Variants in DICER1 observed in about 807,000 individuals in gnomAD.
The protein encoded by DICER1 is dicer 1, ribonuclease III.
In DICER1, 43 loss-of-function variants were observed where a neutral mutation model predicts 194.1. The observed-to-expected ratio is 0.22, with a 90% CI of 0.17 to 0.29. The LOEUF is 0.29. Among genes scored for constraint, DICER1 ranks in the 10% least tolerant of loss-of-function variants. DICER1 has a pLI of 1.00. For missense variants in DICER1, 1,608 were observed against 2,317.0 expected (o/e 0.69, Z 6.28); for synonymous variants, 832 against 820.5 (o/e 1.01, Z -0.24).
chr14:95,151,359 G>A (rs1482242041), intron 1 of DICER1, among the ~76,000 whole-genome samples: 2 of 152,120 alleles, frequency 1.3e-5, no homozygotes, highest in Admixed American at 6.5e-5. Context: ...TTGATAATTT[G>A]GGGGCTCACA....
rs1595378646 is a variant in DICER1, at chr14:95,107,605, T to G, written c.2804+3A>C. 6.2e-7 allele frequency: 1 copy of G among 1,613,722 alleles called. No individual in the cohort carries two copies. Among genetic ancestry groups the G allele is most frequent in the Admixed American group, 1.7e-5 (1 of 60,006 alleles). On this transcript the variant is annotated splice_donor_region_variant and intron_variant, in intron 17 of 26. Transcript: ENST00000343455. ...CCATTTTCCTTTCCATTTAAATACC[T>G]ACCTTGGAATGATAACGGCATCTTG...
intron 1 of DICER1, among the ~76,000 whole-genome samples, chr14:95,147,384 T>C (rs1267236852): frequency 6.6e-6 from 1 of 152,170 alleles, no homozygotes; most frequent in African/African-American, 2.4e-5. Context: ...AAGAATCACC[T>C]GAGCCTGGGG....
intron 1 of DICER1, 111 bp from the exon 2 acceptor site, chr14:95,133,614 T>G (rs1459972380): frequency 6.1e-6 from 5 of 823,308 alleles, no homozygotes; most frequent in Admixed American, 2.3e-5. Context: ...ATTCAAACTC[T>G]TCCTATAATT....
At position 95,096,025 on chromosome 14, in the gene DICER1, G is replaced by C. The variant is rs2139840891; in HGVS notation, c.4895C>G (p.Ser1632Cys). The C allele has an allele frequency of 6.2e-7, 1 of 1,614,208 alleles. No homozygotes were observed. Among genetic ancestry groups the C allele is most frequent in the Non-Finnish European group, 8.5e-7 (1 of 1,180,038 alleles). Residue 1632 changes from serine to cysteine, a missense_variant, in exon 23 of 27, where the codon TCT becomes TGT. By Grantham distance (112) the Ser-to-Cys change is moderately radical (BLOSUM62 -1). This residue lies in a region of DICER1 where 125 missense variants were observed against 134.9 expected (regional missense o/e 0.93). Coordinates refer to ENST00000343455, the MANE Select transcript of DICER1 (RefSeq NM_177438.3). The part of the protein sequence containing the change: ...AAASVASSRS[S>C]VLKDSEYGCL... ...ACCATATTCCGAGTCTTTCAATACA[G>C]AAGAGCGTGAACTGGCCACAGAAGC...
intron 21 of DICER1, among the ~76,000 whole-genome samples, chr14:95,102,591 A>T (rs1234057959): frequency 6.6e-6 from 1 of 152,174 alleles, no homozygotes; most frequent in Non-Finnish European, 1.5e-5. Context: ...GCCATCCTTG[A>T]TTCAACAGTG....
intron 1 of DICER1, among the ~76,000 whole-genome samples, chr14:95,147,934 C>T (rs1013222602): frequency 3.9e-5 from 6 of 152,246 alleles, no homozygotes; most frequent in African/African-American, 1.4e-4. Context: ...TGCAGTGGCA[C>T]ACGCCTGTAA....
At chr14:95,145,926 CATT>C (rs1895102864) in intron 1 of DICER1, among the ~76,000 whole-genome samples, 1 of 152,144 alleles carries the variant, frequency 6.6e-6, no homozygotes, top group Non-Finnish European at 1.5e-5. Flanking sequence ...CTCCCTTCAT[CATT>C]ACCATTTATA....
At chr14:95,155,524 A>C (rs1895792774) in intron 1 of DICER1, among the ~76,000 whole-genome samples, 1 of 152,252 alleles carries the variant, frequency 6.6e-6, no homozygotes, top group Non-Finnish European at 1.5e-5. Context: ...AACCAAGACA[A>C]TAAAGCTCAA....
In DICER1 at chr14:95,096,042, C is replaced by T; in HGVS notation, c.4878G>A (p.Val1626=). The part of the protein sequence containing the change: ...NLSVSCAAAS[V]ASSRSSVLKD... ...TCAATACAGAAGAGCGTGAACTGGC[C>T]ACAGAAGCAGCAGCACAGCTCACTG... is the stretch of plus-strand genomic sequence containing the variant. Residue 1626 remains valine, a synonymous_variant, in exon 23 of 27, where the codon GTG becomes GTA. Coordinates refer to ENST00000343455, the MANE Select transcript of DICER1 (RefSeq NM_177438.3). The T allele has an allele frequency of 6.2e-7, 1 of 1,614,142 alleles. No homozygotes were observed. Among genetic ancestry groups the T allele is most frequent in the Non-Finnish European group, 8.5e-7 (1 of 1,180,016 alleles).
At position 95,126,765 on chromosome 14, in the gene DICER1, A is replaced by G. The variant is rs2140235006; in HGVS notation, c.735-17T>C. 1 of 1,577,014 alleles carries G rather than the reference A, an allele frequency of 6.3e-7. No individual in the cohort carries two copies. Among genetic ancestry groups the G allele is most frequent in the Non-Finnish European group, 8.7e-7 (1 of 1,146,940 alleles). ...GAAGTATACCTTTAACATAAGAAAC[A>G]AAAGGTATCAATACTGCAGTAGTGA... On this transcript the variant is annotated splice_polypyrimidine_tract_variant and intron_variant, in intron 6 of 26. Coordinates refer to ENST00000343455, the MANE Select transcript of DICER1 (RefSeq NM_177438.3).
At position 95,153,097 on chromosome 14, in the gene DICER1, G is replaced by C. The variant is rs561830691; in HGVS notation, c.-46+4133C>G. On this transcript the variant is annotated intron_variant, in intron 1 of 26. Coordinates refer to ENST00000343455, the MANE Select transcript of DICER1 (RefSeq NM_177438.3). ...CAGGGTGTGGTGGCGGGCACCTGTA[G>C]TCCCAGCTACTCGGGAGGCTGAGGC... 2.6e-5 allele frequency among the ~76,000 whole-genome samples: 4 copies of C among 152,128 alleles called. No individual in the cohort carries two copies. In the South Asian group the frequency reaches 8.3e-4, roughly 32 times the overall value.
chr14:95,112,589 G>A (rs1199175030), intron 12 of DICER1, among the ~76,000 whole-genome samples: 1 of 152,146 alleles, frequency 6.6e-6, no homozygotes, highest in Non-Finnish European at 1.5e-5. Flanking sequence ...AACATTAACA[G>A]TATTGAGCAG....
chr14:95,102,869 C>T lies in DICER1; in HGVS notation c.4050+477G>A, dbSNP rs563928366. 2.6e-5 allele frequency among the ~76,000 whole-genome samples: 4 copies of T among 152,248 alleles called. No individual in the cohort carries two copies. In the South Asian group the frequency reaches 6.2e-4, roughly 24 times the overall value. On this transcript the variant is annotated intron_variant, in intron 21 of 26. Coordinates refer to ENST00000343455, the MANE Select transcript of DICER1 (RefSeq NM_177438.3). ...CTCTGTGAAGCTTGTTACTCTTCTC[C>T]GCTCCACTCTCCAAAACTTTGGAGA... is the stretch of plus-strand genomic sequence containing the variant.
chr14:95,123,033 T>A (rs1893081537), intron 8 of DICER1, among the ~76,000 whole-genome samples: 1 of 152,124 alleles, frequency 6.6e-6, no homozygotes, highest in African/African-American at 2.4e-5. Flanking sequence ...AAGAGATCAC[T>A]ACTTGCAGAA....
chr14:95,114,194 A>T (rs1435251911), intron 11 of DICER1, among the ~76,000 whole-genome samples: 2 of 152,220 alleles, frequency 1.3e-5, no homozygotes, highest in Non-Finnish European at 2.9e-5. Flanking sequence ...CTTTTTCTCC[A>T]CTAAATTCGA....
At chr14:95,125,441 C>A (rs1469298814) in intron 7 of DICER1, among the ~76,000 whole-genome samples, 2 of 148,230 alleles carry the variant, frequency 1.3e-5, no homozygotes, top group African/African-American at 5.0e-5. Context: ...CTGCATCTTA[C>A]AACTCTAATT....
intron 26 of DICER1, 145 bp from the exon 27 acceptor site, chr14:95,090,808 A>G (rs888588139): frequency 1.0e-4 from 107 of 1,061,928 alleles, no homozygotes; most frequent in East Asian, 2.4e-5. Flanking sequence ...ACTTACTGCA[A>G]TTGCATACCC....
intron 24 of DICER1, among the ~76,000 whole-genome samples, chr14:95,092,958 A>G (rs997403118): frequency 6.6e-6 from 1 of 152,174 alleles, no homozygotes; most frequent in Non-Finnish European, 1.5e-5. Context: ...TTAAAGTAAG[A>G]GCAGGGCCTA....
rs201239474 is a variant in DICER1 at position 95,130,098 on chromosome 14, T to A, written c.533A>T (p.His178Leu). The A allele has an allele frequency of 3.1e-6, 5 of 1,613,574 alleles. No homozygotes were observed. Among genetic ancestry groups the A allele is most frequent in the Non-Finnish European group, 4.2e-6 (5 of 1,179,738 alleles). ...ATAGGGGTGGTCTAGGATTGCAAGATGACACTCATCAAACACCAAAAGGTT... is the reference window on the plus strand; with the variant it reads ...ATAGGGGTGGTCTAGGATTGCAAGAAGACACTCATCAAACACCAAAAGGTT... ...DINLLVFDEC[H>L]LAILDHPYRE... The change falls in exon 5 of 27, where the codon CAT (histidine) becomes CTT (leucine). Residue 178 changes from histidine (H) to leucine (L), a missense_variant. By Grantham distance (99) the His-to-Leu change is moderately conservative (BLOSUM62 -3). Transcript: ENST00000343455.
Sources: gnomAD v4.1 joint callset for allele counts (sites outside exome capture counted in the v4.1 genomes callset) on GRCh38, gnomAD v4.1.1 for gene constraint, gnomAD v4.1.1 regional missense constraint, MANE v1.5 for transcripts, NCBI Gene and HGNC (gene_info 2026-07-23, HGNC 2026-07-21) for gene names.